The following CA10 variants were observed in gnomAD, a reference collection of about 807,000 sequenced individuals.
CA10 encodes carbonic anhydrase-related protein 10.
Under a neutral mutation model 44.2 loss-of-function variants are expected in CA10, and 14 were observed. The observed-to-expected ratio is 0.32, with a 90% CI of 0.21 to 0.50. CA10 has a LOEUF of 0.50. CA10 is among the 20% of genes least tolerant of loss of function. The probability of loss-of-function intolerance (pLI) is 0.99; values close to 1 mark genes in which losing one functional copy is unlikely to be tolerated. For synonymous variants in CA10, 159 were observed against 141.6 expected (o/e 1.12, Z -0.87); for missense variants, 350 against 409.7 (o/e 0.85, Z 1.26).
intron 1 of CA10, among the ~76,000 whole-genome samples, chr17:52,111,069 T>G (rs1288757627): frequency 6.6e-6 from 1 of 152,232 alleles, no homozygotes. Context: ...AAAGCCAGCA[T>G]GAATAGCTTT....
At chr17:51,759,214 G>T (rs1303576031) in intron 3 of CA10, among the ~76,000 whole-genome samples, 3 of 151,750 alleles carry the variant, frequency 2.0e-5, no homozygotes, top group African/African-American at 7.3e-5. Context: ...TAAAGTTATT[G>T]GAACCAAGAT....
chr17:51,797,188 G>A (rs945249186), intron 3 of CA10, among the ~76,000 whole-genome samples: 1 of 152,166 alleles, frequency 6.6e-6, no homozygotes, highest in Non-Finnish European at 1.5e-5. Flanking sequence ...GGATGACACA[G>A]CCAACTTGGA....
chr17:52,081,065 A>G (rs1439758516), intron 1 of CA10, among the ~76,000 whole-genome samples: 2 of 152,312 alleles, frequency 1.3e-5, no homozygotes, highest in East Asian at 1.9e-4. Context: ...AAAACCCACA[A>G]TCACTTTTGT....
intron 2 of CA10, among the ~76,000 whole-genome samples, chr17:51,972,895 A>C (rs1446547154): frequency 6.6e-6 from 1 of 152,184 alleles, no homozygotes; most frequent in East Asian, 1.9e-4. Context: ...AAAAATGAGG[A>C]AAAATGCAAG....
At chr17:51,897,985 T>C (rs990562005) in intron 3 of CA10, among the ~76,000 whole-genome samples, 2 of 152,190 alleles carry the variant, frequency 1.3e-5, no homozygotes, top group African/African-American at 4.8e-5. Context: ...TGGGGTTTTC[T>C]AGGTATAGAA....
At chr17:52,049,226 C>T (rs150526723) in intron 2 of CA10, among the ~76,000 whole-genome samples, 77 of 152,128 alleles carry the variant, frequency 5.1e-4, no homozygotes, top group African/African-American at 1.8e-3. Context: ...CCACAGGATG[C>T]TCAGAATAGT....
intron 2 of CA10, among the ~76,000 whole-genome samples, chr17:51,966,448 C>T (rs1984084382): frequency 6.6e-6 from 1 of 151,938 alleles, no homozygotes; most frequent in South Asian, 2.1e-4. Flanking sequence ...CATTACCTGA[C>T]TTCAAGCTAT....
intron 4 of CA10, among the ~76,000 whole-genome samples, chr17:51,687,488 T>TTGAA (rs746145080): frequency 2.1e-3 from 314 of 152,268 alleles, no homozygotes; most frequent in African/African-American, 3.7e-3. Flanking sequence ...TAAATATATG[T>TTGAA]TGAATGAATG....
At position 51,874,991 on chromosome 17, in the gene CA10, T is replaced by G. The variant is rs556060407; in HGVS notation, c.279+55999A>C. On this transcript the variant is annotated intron_variant, in intron 3 of 8. Coordinates refer to ENST00000451037, the MANE Select transcript of CA10 (RefSeq NM_020178.5). Reference sequence around the variant, plus strand: ...TTTCTTTTCTTTTCTTTTCTTTTCTTTTCTTTTCTTAGGGTCTTTCTTTGT... The same window carrying G: ...TTTCTTTTCTTTTCTTTTCTTTTCTGTTCTTTTCTTAGGGTCTTTCTTTGT... Among the ~76,000 whole-genome samples, 7 of 149,400 alleles carry G rather than the reference T, an allele frequency of 4.7e-5. No homozygotes were observed. The South Asian group carries it at 1.3e-3, about 27-fold the overall frequency.
chr17:51,725,646 G>T (rs145629864), intron 4 of CA10, among the ~76,000 whole-genome samples: 1 of 152,184 alleles, frequency 6.6e-6, no homozygotes. Flanking sequence ...CAGCATCCTG[G>T]GGGGGTGTGT....
chr17:52,136,162 G>A (rs1357338077), intron 1 of CA10, among the ~76,000 whole-genome samples: 1 of 152,206 alleles, frequency 6.6e-6, no homozygotes, highest in Non-Finnish European at 1.5e-5. Context: ...GAATATAAGA[G>A]AAAGTGACGG....
chr17:51,868,787 T>TC (rs1322197688), intron 3 of CA10, among the ~76,000 whole-genome samples: 1 of 151,980 alleles, frequency 6.6e-6, no homozygotes, highest in Non-Finnish European at 1.5e-5. Flanking sequence ...AGTCACCAGC[T>TC]CTCCTCGATT....
chr17:51,692,968 C>G (rs1915271391), intron 4 of CA10, among the ~76,000 whole-genome samples: 1 of 152,152 alleles, frequency 6.6e-6, no homozygotes, highest in Non-Finnish European at 1.5e-5. Context: ...TTCAACAGGT[C>G]TTAGTCAGTT....
chr17:51,814,509 G>T (rs73989409), intron 3 of CA10, among the ~76,000 whole-genome samples: 1 of 152,290 alleles, frequency 6.6e-6, no homozygotes, highest in African/African-American at 2.4e-5. Context: ...AAAGGCTGTT[G>T]TAAGTCCTGC....
intron 3 of CA10, among the ~76,000 whole-genome samples, chr17:51,777,985 C>G (rs1385938330): frequency 6.6e-6 from 1 of 152,114 alleles, no homozygotes; most frequent in Non-Finnish European, 1.5e-5. Flanking sequence ...ATTGATGGAG[C>G]CTCATCTGTT....
At chr17:51,983,739 G>A (rs1382888836) in intron 2 of CA10, among the ~76,000 whole-genome samples, 1 of 151,702 alleles carries the variant, frequency 6.6e-6, no homozygotes, top group East Asian at 1.9e-4. Flanking sequence ...TCAGCAACAA[G>A]ATGGTTTAGT....
chr17:51,647,554 G>A (rs535767492), intron 6 of CA10, among the ~76,000 whole-genome samples: 1 of 152,150 alleles, frequency 6.6e-6, no homozygotes, highest in African/African-American at 2.4e-5. Flanking sequence ...CAGTGCTGGG[G>A]GATGGGTGGT....
At chr17:52,004,713 A>G (rs1913597095) in intron 2 of CA10, among the ~76,000 whole-genome samples, 1 of 151,940 alleles carries the variant, frequency 6.6e-6, no homozygotes, top group South Asian at 2.1e-4. Flanking sequence ...AATAATTAAT[A>G]TGTACTTTTT....
chr17:51,687,642 AC>A, intron 4 of CA10, among the ~76,000 whole-genome samples: 1 of 152,352 alleles, frequency 6.6e-6, no homozygotes, highest in South Asian at 2.1e-4. Flanking sequence ...TGAAATGAGA[AC>A]AAAGACATCA....
Sources: allele counts gnomAD v4.1 joint callset (sites outside exome capture counted in the v4.1 genomes callset), GRCh38; gene constraint gnomAD v4.1.1; transcripts MANE v1.5; gene names NCBI Gene and HGNC (gene_info 2026-07-23, HGNC 2026-07-21).